PLA2G4C: variants seen among roughly 807,000 people sequenced by gnomAD.
PLA2G4C encodes cytosolic phospholipase A2 gamma.
A neutral mutation model predicts 73.8 loss-of-function variants in PLA2G4C; 64 were observed. That is an observed-to-expected ratio of 0.87 (90% CI 0.71 to 1.07). The LOEUF (loss-of-function observed/expected upper bound fraction) is 1.07. Ranked by LOEUF, PLA2G4C falls within the 50% of genes least tolerant of loss-of-function variation. The pLI is 0.00. For missense variants in PLA2G4C, 622 were observed against 665.4 expected (o/e 0.93, Z 0.72); for synonymous variants, 254 against 252.1 (o/e 1.01, Z -0.07).
intron 16 of PLA2G4C, among the ~76,000 whole-genome samples, chr19:48,050,293 A>G (rs1325992109): frequency 6.6e-6 from 1 of 152,112 alleles, no homozygotes. Flanking sequence ...TGAGCAGCAA[A>G]TAACCGCCCT....
chr19:48,093,859 G>A (rs994765895), intron 7 of PLA2G4C, among the ~76,000 whole-genome samples: 3 of 152,170 alleles, frequency 2.0e-5, no homozygotes, highest in Admixed American at 2.0e-4. Flanking sequence ...GAGTTCTCAC[G>A]AGATCTGATG....
chr19:48,098,291 G>A (rs765343838), intron 5 of PLA2G4C, 32 bp from the exon 6 acceptor site: 76 of 1,588,106 alleles, frequency 4.8e-5, no homozygotes, highest in Non-Finnish European at 5.7e-5. Context: ...CAGTGTGAGG[G>A]AGGCATGTGG....
At position 48,062,089 on chromosome 19, in the gene PLA2G4C, G is replaced by T. The variant is rs772404728; in HGVS notation, c.1166C>A (p.Ala389Asp). 45 of 1,612,360 alleles carry T rather than the reference G, an allele frequency of 2.8e-5. No homozygotes were observed. In the East Asian group the frequency reaches 1.0e-3, roughly 36 times the overall value. The change falls in exon 14 of 17, where the codon GCC (alanine) becomes GAC (aspartate). Residue 389 changes from alanine (A) to aspartate (D), a missense_variant. Ala to Asp is a moderately radical substitution (Grantham distance 126). Coordinates refer to ENST00000599921, the MANE Select transcript of PLA2G4C (RefSeq NM_003706.3). ...CACGAGTGGGAAGGGAGTGTTGATG[G>T]CTAAACCAGCATCCACCAGGTGGAG... The part of the protein sequence containing the change: ...KHLHLVDAGL[A>D]INTPFPLVLP...
intron 14 of PLA2G4C, among the ~76,000 whole-genome samples, chr19:48,060,834 C>T (rs1968141173): frequency 6.6e-6 from 1 of 151,948 alleles, no homozygotes; most frequent in Non-Finnish European, 1.5e-5. Flanking sequence ...GTTCCTAATT[C>T]ATATTACAGA....
intron 14 of PLA2G4C, among the ~76,000 whole-genome samples, chr19:48,055,407 A>ATATATATATG (rs1967902323): frequency 6.8e-6 from 1 of 146,258 alleles, no homozygotes; most frequent in Non-Finnish European, 1.5e-5. Flanking sequence ...ATATATATAT[A>ATATATATATG]TATTTCAATT....
chr19:48,056,524 G>A lies in PLA2G4C; in HGVS notation c.1258-1475C>T, dbSNP rs142335735. On this transcript the variant is annotated intron_variant, in intron 14 of 16. Coordinates refer to ENST00000599921, the MANE Select transcript of PLA2G4C (RefSeq NM_003706.3). Reference sequence around the variant, plus strand: ...GATAGCGCCATTGCACTCCAACCTGGGTGACAAGAGCAAGAAAGAGGCTGG... The same window carrying A: ...GATAGCGCCATTGCACTCCAACCTGAGTGACAAGAGCAAGAAAGAGGCTGG... Among the ~76,000 whole-genome samples, 464 of 151,560 alleles carry A rather than the reference G, an allele frequency of 3.1e-3. 2 individuals carry two copies. Among genetic ancestry groups the A allele is most frequent in the African/African-American group, 0.01 (429 of 41,214 alleles).
At chr19:48,063,703 A>G (rs1054388491) in intron 13 of PLA2G4C, 3 of 151,114 alleles carry the variant, frequency 2.0e-5, no homozygotes, top group Non-Finnish European at 4.4e-5. Flanking sequence ...CGTGACAGGA[A>G]GGGAGGGTCA....
intron 7 of PLA2G4C, 92 bp from the exon 8 acceptor site, chr19:48,090,509 C>T: frequency 2.4e-6 from 2 of 838,934 alleles, no homozygotes; most frequent in Non-Finnish European, 4.1e-6. Flanking sequence ...GCATAAAGCA[C>T]TGCAGGGATC....
chr19:48,104,339 C>T lies in PLA2G4C; in HGVS notation c.257+249G>A, dbSNP rs1054277122. 2.4e-5 allele frequency: 10 copies of T among 413,558 alleles called. No individual in the cohort carries two copies. In the East Asian group the frequency reaches 3.7e-4, roughly 15 times the overall value. 25.6% of individuals were successfully genotyped at this position (413,558 alleles called of 1,614,324 possible). A position where few individuals can be genotyped will look rare whatever the true frequency, so the allele number is the denominator to read the frequency against. ...ATTGCCAGTCGGTCAGAAGCACCAG[C>T]GGCTAGGTAATTGCAACTCGTGTCT... On this transcript the variant is annotated intron_variant, in intron 4 of 16. Transcript: ENST00000599921.
chr19:48,098,001 GA>G (rs1314294952), intron 6 of PLA2G4C, 137 bp downstream of exon 6: 2 of 896,806 alleles, frequency 2.2e-6, no homozygotes, highest in Non-Finnish European at 3.4e-6. Context: ...CGTCTAAGCT[GA>G]GCACCCTGTT....
In PLA2G4C at chr19:48,062,171, AAG is replaced by A. The variant is rs1968209914; in HGVS notation, c.1103-21_1103-20del. Reference sequence around the variant, plus strand: ...ATGCCACCTGTGGTGCCCAGGAAGAAAGAGGATCAGCTGCTTCTGGGGACTGA... The same window carrying A: ...ATGCCACCTGTGGTGCCCAGGAAGAAAGGATCAGCTGCTTCTGGGGACTGA... On this transcript the variant is annotated intron_variant, in intron 13 of 16. Transcript: ENST00000599921. 1 of 1,534,838 alleles carries A rather than the reference AAG, an allele frequency of 6.5e-7. No homozygotes were observed. The highest frequency in any genetic ancestry group is 1.3e-5 in the South Asian group (1 of 78,956).
chr19:48,106,518 T>C lies in PLA2G4C; in HGVS notation c.8+4A>G, dbSNP rs779883410. ...CCATAGTGGTCAGCTCTAAGAGGAC[T>C]TACCTTCCCATGGTGCACTGCGGTC... On this transcript the variant is annotated splice_donor_region_variant and intron_variant, in intron 2 of 16. Transcript: ENST00000599921. 6.2e-7 allele frequency: 1 copy of C among 1,608,998 alleles called. No homozygotes were observed. The highest frequency in any genetic ancestry group is 8.5e-7 in the Non-Finnish European group (1 of 1,175,266).
chr19:48,082,141 TGG>T (rs35724206), intron 10 of PLA2G4C, among the ~76,000 whole-genome samples: 1,638 of 152,128 alleles, frequency 0.011, 37 homozygotes, highest in African/African-American at 0.037. Flanking sequence ...CACTGATGGG[TGG>T]ACTACAGTCT....
At chr19:48,069,074 A>G (rs1332610101) in intron 12 of PLA2G4C, among the ~76,000 whole-genome samples, 3 of 151,618 alleles carry the variant, frequency 2.0e-5, no homozygotes, top group East Asian at 3.9e-4. Flanking sequence ...GTGAGGAAAT[A>G]AAAGCCTATA....
At chr19:48,056,949 CAG>C (rs1218239771) in intron 14 of PLA2G4C, among the ~76,000 whole-genome samples, 1 of 151,518 alleles carries the variant, frequency 6.6e-6, no homozygotes, top group Non-Finnish European at 1.5e-5. Flanking sequence ...CATGGACACA[CAG>C]AGGAGAACAA....
intron 12 of PLA2G4C, among the ~76,000 whole-genome samples, chr19:48,069,962 G>A (rs1260207170): frequency 1.3e-5 from 2 of 152,012 alleles, no homozygotes; most frequent in African/African-American, 4.8e-5. Context: ...TAGAGACGGG[G>A]TTTCGCTATG....
rs11564607 is a variant in PLA2G4C, at chr19:48,074,633, T to C, written c.1006+134A>G. 3,052 of 696,234 alleles carry C rather than the reference T, an allele frequency of 4.4e-3. 76 individuals are homozygous for C. The African/African-American group carries it at 0.047, about 11-fold the overall frequency. 43.1% of individuals were successfully genotyped at this position (696,234 alleles called of 1,614,324 possible). A position where few individuals can be genotyped will look rare whatever the true frequency, so the allele number is the denominator to read the frequency against. On this transcript the variant is annotated intron_variant, in intron 12 of 16. Coordinates refer to ENST00000599921, the MANE Select transcript of PLA2G4C (RefSeq NM_003706.3). Reference sequence around the variant, plus strand: ...AACATGAGATGTGGAAGGGAACAAATATCCAAACTGTACCAGTGGGACATC... The same window carrying C: ...AACATGAGATGTGGAAGGGAACAAACATCCAAACTGTACCAGTGGGACATC...
intron 4 of PLA2G4C, among the ~76,000 whole-genome samples, chr19:48,100,705 C>G (rs966153797): frequency 6.7e-6 from 1 of 148,546 alleles, no homozygotes; most frequent in Admixed American, 6.8e-5. Flanking sequence ...GTCAGGAGAT[C>G]GAGACCATCC....
chr19:48,101,604 A>C (rs562424532), intron 4 of PLA2G4C, among the ~76,000 whole-genome samples: 1 of 151,930 alleles, frequency 6.6e-6, no homozygotes, highest in African/African-American at 2.4e-5. Context: ...CTGGTACTCC[A>C]TTCAGTTATT....
Sources: gnomAD v4.1 joint callset for allele counts (sites outside exome capture counted in the v4.1 genomes callset) on GRCh38, gnomAD v4.1.1 for gene constraint, MANE v1.5 for transcripts, NCBI Gene and HGNC (gene_info 2026-07-23, HGNC 2026-07-21) for gene names.